The following DCC variants were observed in gnomAD, a reference collection of about 807,000 sequenced individuals.
The protein encoded by DCC is DCC netrin 1 receptor.
Under a neutral mutation model 172.5 loss-of-function variants are expected in DCC, and 58 were observed. The ratio of observed to expected loss-of-function variants is 0.34; its 90% CI spans 0.27 to 0.42. DCC has a LOEUF of 0.42. DCC is among the 10% of genes least tolerant of loss of function. The probability of loss-of-function intolerance (pLI) is 1.00; values close to 1 mark genes in which losing one functional copy is unlikely to be tolerated. For missense variants in DCC, 1,740 were observed against 1,791.0 expected (o/e 0.97, Z 0.51); for synonymous variants, 709 against 644.5 (o/e 1.10, Z -1.52).
chr18:53,152,334 A>T (rs1272620296), intron 7 of DCC, among the ~76,000 whole-genome samples: 1 of 152,222 alleles, frequency 6.6e-6, no homozygotes, highest in Non-Finnish European at 1.5e-5. Context: ...TTAGAAAAAA[A>T]TTCATGTTCA....
intron 5 of DCC, among the ~76,000 whole-genome samples, chr18:52,947,956 C>T (rs1943136): frequency 0.25 from 37,368 of 152,058 alleles, 4,899 homozygotes; most frequent in Admixed American, 0.32. Flanking sequence ...GACAAGCGTC[C>T]ACAATTTCTA....
chr18:53,291,818 A>G (rs896353347), intron 12 of DCC, among the ~76,000 whole-genome samples: 27 of 152,336 alleles, frequency 1.8e-4, no homozygotes, highest in African/African-American at 5.5e-4. Flanking sequence ...AATTAAGTCT[A>G]TTGATACTGA....
chr18:52,987,457 A>C (rs1161619830), intron 5 of DCC, among the ~76,000 whole-genome samples: 1 of 152,164 alleles, frequency 6.6e-6, no homozygotes, highest in Non-Finnish European at 1.5e-5. Context: ...TGACTTCATC[A>C]TTTGTTGACC....
intron 1 of DCC, among the ~76,000 whole-genome samples, chr18:52,353,555 C>G (rs1984225023): frequency 6.6e-6 from 1 of 152,310 alleles, no homozygotes; most frequent in Non-Finnish European, 1.5e-5. Context: ...GGGCATGAAA[C>G]AGACCAAGTG....
At chr18:53,023,464 G>A (rs865865724) in intron 5 of DCC, among the ~76,000 whole-genome samples, 61 of 138,908 alleles carry the variant, frequency 4.4e-4, no homozygotes, top group African/African-American at 1.2e-3. Flanking sequence ...TTGGTAATAC[G>A]TCTTCAATGT....
chr18:53,404,008 C>A (rs912741045), intron 19 of DCC, among the ~76,000 whole-genome samples: 1 of 152,130 alleles, frequency 6.6e-6, no homozygotes, highest in African/African-American at 2.4e-5. Context: ...TCCCCAAGAT[C>A]TTATATGTTC....
At chr18:53,327,704 C>T (rs1042415658) in intron 14 of DCC, among the ~76,000 whole-genome samples, 1 of 152,044 alleles carries the variant, frequency 6.6e-6, no homozygotes, top group Non-Finnish European at 1.5e-5. Context: ...GCTGCAAATT[C>T]ATTTCATTTA....
chr18:53,118,763 A>G (rs968064239), intron 7 of DCC, among the ~76,000 whole-genome samples: 1 of 151,768 alleles, frequency 6.6e-6, no homozygotes, highest in Admixed American at 6.6e-5. Context: ...TAGAGGTAGA[A>G]ACATGACTGA....
intron 1 of DCC, among the ~76,000 whole-genome samples, chr18:52,450,906 C>A (rs1382910985): frequency 6.6e-6 from 1 of 152,080 alleles, no homozygotes; most frequent in African/African-American, 2.4e-5. Context: ...ATTAATAATT[C>A]AAGAAAATGA....
At chr18:52,505,027 A>G (rs1047669391) in intron 1 of DCC, among the ~76,000 whole-genome samples, 14 of 152,196 alleles carry the variant, frequency 9.2e-5, no homozygotes, top group African/African-American at 3.1e-4. Flanking sequence ...TTTTCTTTCT[A>G]AAGACACAGC....
intron 3 of DCC, among the ~76,000 whole-genome samples, chr18:52,918,787 G>A (rs115382592): frequency 1.0e-3 from 158 of 152,128 alleles, no homozygotes; most frequent in African/African-American, 3.2e-3. Context: ...TATTTCTGTA[G>A]AACATTTCAG....
At chr18:53,298,169 GA>G (rs2057089224) in intron 12 of DCC, among the ~76,000 whole-genome samples, 2 of 152,060 alleles carry the variant, frequency 1.3e-5, no homozygotes, top group African/African-American at 4.8e-5. Flanking sequence ...CTTATCAAGT[GA>G]TTTACACTTG....
In DCC at chr18:53,097,314, T is replaced by A. The variant is rs191004875; in HGVS notation, c.1261+31148T>A. On this transcript the variant is annotated intron_variant, in intron 7 of 28. Coordinates refer to ENST00000442544, the MANE Select transcript of DCC (RefSeq NM_005215.4). ...TGATCACTTCCCGGTTGCCCTTCTA[T>A]GTCTGGGACACCTAGGCCATTATCC... Among the ~76,000 whole-genome samples, 25 of 152,328 alleles carry A rather than the reference T, an allele frequency of 1.6e-4. No individual in the cohort carries two copies. In the East Asian group the frequency reaches 4.3e-3, roughly 26 times the overall value.
intron 12 of DCC, among the ~76,000 whole-genome samples, chr18:53,281,625 G>C (rs753480907): frequency 6.6e-6 from 1 of 152,128 alleles, no homozygotes; most frequent in Non-Finnish European, 1.5e-5. Context: ...GCTGGAGCTG[G>C]CTGGGACTGG....
At chr18:52,484,815 G>GA (rs33941491) in intron 1 of DCC, among the ~76,000 whole-genome samples, 1,697 of 136,420 alleles carry the variant, frequency 0.012, 57 homozygotes, top group Admixed American at 0.071. Flanking sequence ...TTTTAAAAAG[G>GA]AAAAAAAAAA....
At chr18:53,173,846 A>G (rs1225340584) in intron 8 of DCC, among the ~76,000 whole-genome samples, 1 of 131,204 alleles carries the variant, frequency 7.6e-6, no homozygotes, top group Non-Finnish European at 1.6e-5. Context: ...ACATCTACAG[A>G]ACTCTCCACC....
At chr18:53,011,921 A>G (rs2041736464) in intron 5 of DCC, among the ~76,000 whole-genome samples, 1 of 151,896 alleles carries the variant, frequency 6.6e-6, no homozygotes, top group Admixed American at 6.6e-5. Flanking sequence ...ATAGTGATTA[A>G]GAAGACAAAA....
chr18:53,306,179 G>T (rs377127460), intron 13 of DCC, among the ~76,000 whole-genome samples: 1 of 152,244 alleles, frequency 6.6e-6, no homozygotes, highest in African/African-American at 2.4e-5. Flanking sequence ...CCAATATAAA[G>T]TAAATTCACT....
chr18:52,841,296 A>AACAAT (rs58878417), intron 2 of DCC, among the ~76,000 whole-genome samples: 1 of 151,420 alleles, frequency 6.6e-6, no homozygotes, highest in African/African-American at 2.4e-5. Context: ...TAAAAAAAAA[A>AACAAT]CAACACTCTG....
Sources: allele counts gnomAD v4.1 joint callset (sites outside exome capture counted in the v4.1 genomes callset), GRCh38; gene constraint gnomAD v4.1.1; transcripts MANE v1.5; gene names NCBI Gene and HGNC (gene_info 2026-07-23, HGNC 2026-07-21).